Variants in SMOC1 observed in about 807,000 individuals in gnomAD.
SMOC1 encodes SPARC-related modular calcium-binding protein 1.
SMOC1 carries 22 observed loss-of-function variants against 56.3 expected under a neutral mutation model. That is an observed-to-expected ratio of 0.39 (90% CI 0.28 to 0.56). The LOEUF (loss-of-function observed/expected upper bound fraction) is 0.56, where lower values mean the gene tolerates loss of function less well. Ranked by LOEUF, SMOC1 falls within the 20% of genes least tolerant of loss-of-function variation. SMOC1 has a pLI of 0.61. For synonymous variants in SMOC1, 193 were observed against 215.0 expected, an observed-to-expected ratio of 0.90 and a Z score of 0.89; for missense variants, 509 against 565.4, an observed-to-expected ratio of 0.90 and a Z score of 1.01.
chr14:69,981,008 C>T (rs1004598773), intron 5 of SMOC1, among the ~76,000 whole-genome samples: 7 of 152,106 alleles, frequency 4.6e-5, no homozygotes, highest in African/African-American at 1.7e-4. Flanking sequence ...TATTGTGTGA[C>T]CACGGAGAGT....
chr14:70,013,855 G>C (rs1035421833), intron 10 of SMOC1, among the ~76,000 whole-genome samples: 4 of 152,170 alleles, frequency 2.6e-5, no homozygotes, highest in Admixed American at 6.5e-5. Flanking sequence ...GGCAGAGAGG[G>C]AGCACAAAGC....
At chr14:69,978,535 A>G (rs1427191424) in intron 5 of SMOC1, among the ~76,000 whole-genome samples, 1 of 152,138 alleles carries the variant, frequency 6.6e-6, no homozygotes, top group Non-Finnish European at 1.5e-5. Flanking sequence ...AGTGGAGGAG[A>G]GACACGTCAT....
intron 3 of SMOC1, among the ~76,000 whole-genome samples, chr14:69,956,906 TTG>T (rs1883207360): frequency 6.6e-6 from 1 of 152,158 alleles, no homozygotes; most frequent in Admixed American, 6.5e-5. Flanking sequence ...GACACAGACA[TTG>T]TGTTTTTTCG....
chr14:69,926,697 C>A (rs910615141), intron 1 of SMOC1, among the ~76,000 whole-genome samples: 1 of 152,230 alleles, frequency 6.6e-6, no homozygotes, highest in Admixed American at 6.5e-5. Flanking sequence ...CTGCTCCTCA[C>A]TGGGGCCCCA....
intron 1 of SMOC1, among the ~76,000 whole-genome samples, chr14:69,935,097 G>T (rs7148010): frequency 0.25 from 37,899 of 152,122 alleles, 5,066 homozygotes; most frequent in East Asian, 0.32. Flanking sequence ...GTGCAATTGG[G>T]TGCTTTATAG....
intron 11 of SMOC1, among the ~76,000 whole-genome samples, chr14:70,029,192 A>G (rs1013768751): frequency 3.3e-5 from 5 of 152,342 alleles, no homozygotes; most frequent in African/African-American, 1.2e-4. Flanking sequence ...TCAAGAGGCC[A>G]GGACCTGCTG....
At chr14:69,962,928 T>A (rs1883437879) in intron 3 of SMOC1, among the ~76,000 whole-genome samples, 2 of 152,202 alleles carry the variant, frequency 1.3e-5, no homozygotes, top group African/African-American at 2.4e-5. Flanking sequence ...CTTTTATTTC[T>A]TATAACTTCA....
At chr14:70,001,286 G>C (rs553691384) in intron 7 of SMOC1, among the ~76,000 whole-genome samples, 1 of 152,264 alleles carries the variant, frequency 6.6e-6, no homozygotes, top group Non-Finnish European at 1.5e-5. Context: ...CAAGGTCATA[G>C]ATCCATCAAG....
At chr14:69,978,044 G>A in intron 5 of SMOC1, 79 bp downstream of exon 5, 1 of 1,166,774 alleles carries the variant, frequency 8.6e-7, no homozygotes, top group Non-Finnish European at 1.3e-6. Context: ...GAGATAGAAG[G>A]AGCCTGGGGT....
chr14:69,941,519 C>T (rs1460492998), intron 1 of SMOC1, among the ~76,000 whole-genome samples: 3 of 152,220 alleles, frequency 2.0e-5, no homozygotes, highest in African/African-American at 7.2e-5. Flanking sequence ...ATCCCCACTG[C>T]TGCCTTATTC....
intron 3 of SMOC1, among the ~76,000 whole-genome samples, chr14:69,972,793 T>C (rs1475339145): frequency 6.6e-6 from 1 of 152,248 alleles, no homozygotes; most frequent in African/African-American, 2.4e-5. Context: ...AATTTGCTTC[T>C]GTCCCCACTA....
At chr14:69,890,847 T>C (rs1044039780) in intron 1 of SMOC1, among the ~76,000 whole-genome samples, 1 of 152,264 alleles carries the variant, frequency 6.6e-6, no homozygotes, top group African/African-American at 2.4e-5. Context: ...ACACACTCTT[T>C]GACCTTGTAA....
chr14:69,955,184 A>G (rs906232855), intron 3 of SMOC1, among the ~76,000 whole-genome samples: 17 of 152,096 alleles, frequency 1.1e-4, no homozygotes, highest in African/African-American at 3.6e-4. Flanking sequence ...AGACTCACAA[A>G]TCCCTAAGTC....
At chr14:69,907,304 A>G (rs1884435964) in intron 1 of SMOC1, among the ~76,000 whole-genome samples, 1 of 152,130 alleles carries the variant, frequency 6.6e-6, no homozygotes, top group Non-Finnish European at 1.5e-5. Flanking sequence ...AAAAGGTAAA[A>G]CCTACTACAT....
intron 1 of SMOC1, chr14:69,885,948 G>T: frequency 6.3e-7 from 1 of 1,590,624 alleles, no homozygotes; most frequent in Non-Finnish European, 8.6e-7. Flanking sequence ...GCTCTCTGCC[G>T]CTGCAACCTG....
intron 7 of SMOC1, among the ~76,000 whole-genome samples, chr14:70,010,110 G>A (rs1174807477): frequency 6.6e-6 from 1 of 152,200 alleles, no homozygotes; most frequent in East Asian, 1.9e-4. Context: ...GACACCATCC[G>A]GCTGGGCCTG....
chr14:69,985,859 A>G (rs1884345858), intron 5 of SMOC1, among the ~76,000 whole-genome samples: 1 of 152,254 alleles, frequency 6.6e-6, no homozygotes, highest in Non-Finnish European at 1.5e-5. Flanking sequence ...TGTTATAATT[A>G]TTCTATTTTA....
Position 69,887,713 on chromosome 14 carries a change from G to A in SMOC1, c.99+7936G>A, listed in dbSNP as rs143757932. ...AGCAGACCCAGGCCCTGGCATAAAC[G>A]TCTGCATCAGGTGGCCTAAGGGCTC... On this transcript the variant is annotated intron_variant, in intron 1 of 11. Transcript: ENST00000361956. Among the ~76,000 whole-genome samples the A allele has an allele frequency of 2.5e-3, 386 of 152,286 alleles. 2 individuals carry two copies. The highest frequency in any genetic ancestry group is 7.9e-3 in the African/African-American group (330 of 41,566).
At chr14:69,942,824 G>A (rs148121855) in intron 1 of SMOC1, among the ~76,000 whole-genome samples, 45 of 152,336 alleles carry the variant, frequency 3.0e-4, no homozygotes, top group African/African-American at 1.0e-3. Flanking sequence ...ACTCTGTGTG[G>A]ATTGGGAGCA....
Sources: gnomAD v4.1 joint callset for allele counts (sites outside exome capture counted in the v4.1 genomes callset) on GRCh38, gnomAD v4.1.1 for gene constraint, MANE v1.5 for transcripts, NCBI Gene and HGNC (gene_info 2026-07-23, HGNC 2026-07-21) for gene names.